VCL: variants seen among roughly 807,000 people sequenced by gnomAD.
VCL encodes epididymis luminal protein 114.
Under a neutral mutation model 125.7 loss-of-function variants are expected in VCL, and 47 were observed. That is an observed-to-expected ratio of 0.37 (90% CI 0.30 to 0.48). The LOEUF is 0.48. VCL is among the 20% of genes least tolerant of loss of function. VCL has a pLI of 0.99. For synonymous variants in VCL, 458 were observed against 514.6 expected, an observed-to-expected ratio of 0.89 and a Z score of 1.49; for missense variants, 1,069 against 1,455.5, an observed-to-expected ratio of 0.73 and a Z score of 4.32.
chr10:74,054,402 T>TAGAC (rs1402659201), intron 2 of VCL, among the ~76,000 whole-genome samples: 2 of 152,248 alleles, frequency 1.3e-5, no homozygotes, highest in African/African-American at 4.8e-5. Context: ...TGACTGTTGA[T>TAGAC]AGACGTTAGC....
intron 16 of VCL, 138 bp from the exon 17 acceptor site, chr10:74,107,092 C>G: frequency 2.1e-6 from 3 of 1,411,604 alleles, no homozygotes; most frequent in Admixed American, 3.8e-5. Flanking sequence ...TGCCTCCCCC[C>G]TTCTTCAATC....
At chr10:74,094,563 T>C in intron 11 of VCL, 102 bp downstream of exon 11, 2 of 1,350,308 alleles carry the variant, frequency 1.5e-6, no homozygotes, top group South Asian at 1.3e-5. Flanking sequence ...GTAAGGGTTC[T>C]TTAGCTGCTG....
intron 19 of VCL, among the ~76,000 whole-genome samples, chr10:74,113,861 G>A (rs1840268789): frequency 6.6e-6 from 1 of 152,040 alleles, no homozygotes; most frequent in African/African-American, 2.4e-5. Flanking sequence ...GCTGTGCCTG[G>A]GGTGCACATC....
chr10:74,107,790 T>A (rs963704004), intron 17 of VCL, among the ~76,000 whole-genome samples: 3 of 152,108 alleles, frequency 2.0e-5, no homozygotes, highest in Non-Finnish European at 4.4e-5. Flanking sequence ...TTTTTTTAAG[T>A]AACAAGATAC....
Position 74,105,242 on chromosome 10 carries a change from G to A in VCL, c.2323G>A (p.Glu775Lys). ...LVAKREVENS[E>K]DPKFREAVKA... ...GGCTAAGAGGGAGGTGGAGAATTCC[G>A]AGGATCCCAAGTTCCGTGAGGCTGT... Residue 775 changes from glutamate to lysine, a missense_variant, in exon 16 of 22, where the codon GAG (glutamate) becomes AAG (lysine). By Grantham distance (56) the Glu-to-Lys change is moderately conservative (BLOSUM62 1). Transcript: ENST00000211998. 6.2e-7 allele frequency: 1 copy of A among 1,614,104 alleles called. No individual in the cohort carries two copies. Among genetic ancestry groups the A allele is most frequent in the Non-Finnish European group, 8.5e-7 (1 of 1,180,022 alleles).
intron 1 of VCL, among the ~76,000 whole-genome samples, chr10:74,024,586 A>G (rs1260072711): frequency 6.6e-6 from 1 of 151,100 alleles, no homozygotes; most frequent in Admixed American, 6.7e-5. Flanking sequence ...ACTCTAGGCA[A>G]CAAGAGCAAC....
intron 1 of VCL, among the ~76,000 whole-genome samples, chr10:74,020,897 A>G (rs1267160598): frequency 2.0e-5 from 3 of 149,558 alleles, no homozygotes; most frequent in African/African-American, 4.9e-5. Context: ...TAATCTGTTT[A>G]TGATGTATGT....
chr10:74,114,318 G>T lies in VCL; in HGVS notation c.3084G>T (p.Glu1028Asp). ...AGGACATCGCCAAGGCCTCAGATGA[G>T]GTGACTCGGTTGGCCAAGGAGGTTG... ...CAKDIAKASD[E>D]VTRLAKEVAK... The change falls in exon 20 of 22, where the codon GAG becomes GAT. Residue 1028 changes from glutamate (E) to aspartate (D), a missense_variant. By Grantham distance (45) the Glu-to-Asp change is conservative. This residue lies in a region of VCL where 91 missense variants were observed against 203.9 expected (regional missense o/e 0.45). Coordinates refer to ENST00000211998, the MANE Select transcript of VCL (RefSeq NM_014000.3). 6.2e-7 allele frequency: 1 copy of T among 1,614,040 alleles called. No individual in the cohort carries two copies. Among genetic ancestry groups the T allele is most frequent in the South Asian group, 1.1e-5 (1 of 91,074 alleles).
At chr10:74,043,423 T>G in intron 2 of VCL, among the ~76,000 whole-genome samples, 1 of 152,136 alleles carries the variant, frequency 6.6e-6, no homozygotes, top group East Asian at 1.9e-4. Flanking sequence ...GTCAGCTCAC[T>G]GCAACCTCTG....
At chr10:74,068,747 T>C (rs554964501) in intron 2 of VCL, among the ~76,000 whole-genome samples, 3 of 152,316 alleles carry the variant, frequency 2.0e-5, no homozygotes, top group African/African-American at 4.8e-5. Context: ...CTTTGAGGCC[T>C]GAAATGTTTT....
chr10:74,029,638 A>C (rs1256582809), intron 1 of VCL, among the ~76,000 whole-genome samples: 1 of 152,244 alleles, frequency 6.6e-6, no homozygotes, highest in Non-Finnish European at 1.5e-5. Context: ...CTTGCTTGAC[A>C]TCAGAACTTG....
At chr10:74,102,337 GA>G (rs67026405) in intron 14 of VCL, among the ~76,000 whole-genome samples, 150 of 150,844 alleles carry the variant, frequency 9.9e-4, no homozygotes, top group Non-Finnish European at 1.2e-3. Context: ...GGAAGATTGG[GA>G]AAAAAAACCA....
At position 74,080,269 on chromosome 10, in the gene VCL, G is replaced by A. The variant is rs548060043; in HGVS notation, c.784-2185G>A. Among the ~76,000 whole-genome samples the A allele has an allele frequency of 2.6e-5, 4 of 152,140 alleles. No homozygotes were observed. The South Asian group carries it at 8.3e-4, about 32-fold the overall frequency. On this transcript the variant is annotated intron_variant, in intron 6 of 21. Transcript: ENST00000211998. ...ACAAGGCAGAGATTTGCTGACTATT[G>A]TTGGAGATTAGTAGAATCTTTAGCA... is the stretch of plus-strand genomic sequence containing the variant.
At chr10:74,028,586 G>A (rs1057474863) in intron 1 of VCL, among the ~76,000 whole-genome samples, 1 of 150,510 alleles carries the variant, frequency 6.6e-6, no homozygotes, top group Non-Finnish European at 1.5e-5. Context: ...TAATAGAGAC[G>A]GGGTTTTACC....
intron 2 of VCL, among the ~76,000 whole-genome samples, chr10:74,066,911 G>A (rs539172793): frequency 2.2e-4 from 34 of 152,042 alleles, no homozygotes; most frequent in African/African-American, 7.0e-4. Context: ...ACCTCAGTCC[G>A]CCCACCTTGG....
chr10:74,037,660 C>T (rs895809033), intron 1 of VCL, among the ~76,000 whole-genome samples: 11 of 152,318 alleles, frequency 7.2e-5, no homozygotes, highest in African/African-American at 9.6e-5. Flanking sequence ...TCCTTGTACT[C>T]GCATATCTGA....
intron 1 of VCL, among the ~76,000 whole-genome samples, chr10:74,007,958 A>G (rs940069760): frequency 5.3e-5 from 8 of 151,776 alleles, no homozygotes; most frequent in African/African-American, 1.9e-4. Flanking sequence ...ACCCACCACC[A>G]TGGACGGCTA....
chr10:74,005,393 TACAGTCGTGTGCCA>T (rs1345002977), intron 1 of VCL: 4 of 152,066 alleles, frequency 2.6e-5, no homozygotes, highest in Admixed American at 2.0e-4. Context: ...TAGCTGGGAT[TACAGTCGTGTGCCA>T]CCACGCCTGG....
chr10:74,020,179 G>A (rs1840634382), intron 1 of VCL, among the ~76,000 whole-genome samples: 4 of 152,116 alleles, frequency 2.6e-5, no homozygotes, highest in Admixed American at 2.6e-4. Context: ...AACTTGTCCC[G>A]AGCCAGTAAT....
Sources: allele counts gnomAD v4.1 joint callset (sites outside exome capture counted in the v4.1 genomes callset), GRCh38; gene constraint gnomAD v4.1.1; regional missense constraint gnomAD v4.1.1; transcripts MANE v1.5; gene names NCBI Gene and HGNC (gene_info 2026-07-23, HGNC 2026-07-21).